VMP1: variants seen among roughly 807,000 people sequenced by gnomAD.
VMP1 encodes the protein vacuole membrane protein 1, also known as ectopic P-granules autophagy protein 3 homolog.
VMP1 carries 11 observed loss-of-function variants against 56.0 expected under a neutral mutation model. The ratio of observed to expected loss-of-function variants is 0.20; its 90% confidence interval spans 0.12 to 0.32. The LOEUF (loss-of-function observed/expected upper bound fraction) is 0.32, where lower values mean the gene tolerates loss of function less well. Ranked by LOEUF, VMP1 falls within the 10% of genes least tolerant of loss-of-function variation. The pLI, the probability that VMP1 is intolerant of heterozygous loss-of-function variation, is 1.00. For missense variants in VMP1, 296 were observed against 490.3 expected (o/e 0.60, Z 3.74); for synonymous variants, 149 against 165.0 (o/e 0.90, Z 0.74).
At chr17:59,807,492 C>T (rs2037885259) in intron 7 of VMP1, among the ~76,000 whole-genome samples, 1 of 151,840 alleles carries the variant, frequency 6.6e-6, no homozygotes, top group Non-Finnish European at 1.5e-5. Flanking sequence ...CCACCGCGCC[C>T]GGCCGGATCT....
intron 5 of VMP1, among the ~76,000 whole-genome samples, chr17:59,759,282 G>A (rs977634817): frequency 6.6e-6 from 1 of 152,128 alleles, no homozygotes; most frequent in Non-Finnish European, 1.5e-5. Context: ...GCTGAGGCAG[G>A]AGAATTGCTT....
chr17:59,808,914 G>T, intron 8 of VMP1, 38 bp downstream of exon 8: 2 of 1,557,220 alleles, frequency 1.3e-6, no homozygotes, highest in South Asian at 2.2e-5. Context: ...TTTACTAAGT[G>T]GTAGTGTTAT....
chr17:59,806,872 A>G (rs951271630), intron 7 of VMP1, among the ~76,000 whole-genome samples: 2 of 152,086 alleles, frequency 1.3e-5, no homozygotes, highest in African/African-American at 4.8e-5. Flanking sequence ...TTGAGAGCCT[A>G]TGTATTTGGA....
chr17:59,787,424 A>T (rs898816376), intron 7 of VMP1, among the ~76,000 whole-genome samples: 5 of 152,232 alleles, frequency 3.3e-5, no homozygotes, highest in African/African-American at 1.2e-4. Flanking sequence ...ATGAATGGCC[A>T]GTGGGAAACT....
At chr17:59,797,695 G>A (rs1363428414) in intron 7 of VMP1, among the ~76,000 whole-genome samples, 1 of 152,218 alleles carries the variant, frequency 6.6e-6, no homozygotes, top group Non-Finnish European at 1.5e-5. Flanking sequence ...TGACCAATGT[G>A]GTGAAACCCT....
chr17:59,831,801 G>GTT (rs11424411), intron 10 of VMP1, among the ~76,000 whole-genome samples: 20,039 of 148,990 alleles, frequency 0.13, 1,519 homozygotes, highest in Middle Eastern at 0.18. Context: ...GCATTCCTGA[G>GTT]TTTTTTTTTT....
intron 10 of VMP1, among the ~76,000 whole-genome samples, chr17:59,820,258 G>A (rs995471467): frequency 3.4e-4 from 51 of 152,010 alleles, no homozygotes; most frequent in African/African-American, 1.2e-3. Flanking sequence ...CCCACCACTG[G>A]TCTTTGCTTG....
At chr17:59,805,893 G>A (rs1036648212) in intron 7 of VMP1, among the ~76,000 whole-genome samples, 1 of 151,772 alleles carries the variant, frequency 6.6e-6, no homozygotes, top group Non-Finnish European at 1.5e-5. Flanking sequence ...TTTTTTTGTT[G>A]TTTACTTTAC....
At chr17:59,720,417 T>G (rs1190743497) in intron 1 of VMP1, among the ~76,000 whole-genome samples, 1 of 152,186 alleles carries the variant, frequency 6.6e-6, no homozygotes, top group Non-Finnish European at 1.5e-5. Flanking sequence ...TAAACTAAGA[T>G]TGTTCTAAAT....
chr17:59,710,841 C>A (rs1016833866), intron 1 of VMP1, among the ~76,000 whole-genome samples: 1 of 152,012 alleles, frequency 6.6e-6, no homozygotes, highest in Admixed American at 6.6e-5. Context: ...GAGGCCGAGG[C>A]GGGAAGATCA....
intron 6 of VMP1, among the ~76,000 whole-genome samples, chr17:59,772,950 CTTTTTTTTTTTT>C (rs1179269248): frequency 1.6e-4 from 9 of 55,676 alleles, no homozygotes; most frequent in Non-Finnish European, 2.1e-4. Context: ...CTGGTGAATT[CTTTTTTTTTTTT>C]TTTTTTTTTT....
chr17:59,826,196 A>G (rs139970866), intron 10 of VMP1, among the ~76,000 whole-genome samples: 300 of 152,264 alleles, frequency 2.0e-3, no homozygotes, highest in African/African-American at 7.0e-3. Flanking sequence ...GGTAGTTTAT[A>G]TATCCTTCTC....
intron 7 of VMP1, among the ~76,000 whole-genome samples, chr17:59,791,491 CTTTTT>C (rs1208305582): frequency 2.4e-5 from 3 of 127,112 alleles, no homozygotes; most frequent in African/African-American, 6.0e-5. Flanking sequence ...GTGCCCGGCT[CTTTTT>C]TTTTTTTTTT....
At chr17:59,836,587 T>C (rs777658132) in intron 10 of VMP1, among the ~76,000 whole-genome samples, 6 of 152,314 alleles carry the variant, frequency 3.9e-5, no homozygotes, top group Middle Eastern at 6.8e-3. Flanking sequence ...CCAAAAACTT[T>C]AATATTGAAT....
At chr17:59,783,542 T>C (rs1002115951) in intron 7 of VMP1, among the ~76,000 whole-genome samples, 2 of 152,314 alleles carry the variant, frequency 1.3e-5, no homozygotes, top group African/African-American at 4.8e-5. Context: ...TTTATGTGCT[T>C]TGTGGACTGT....
intron 10 of VMP1, among the ~76,000 whole-genome samples, chr17:59,822,893 A>G (rs1033540769): frequency 1.3e-5 from 2 of 152,142 alleles, no homozygotes; most frequent in Admixed American, 1.3e-4. Context: ...GCCTGGAAAC[A>G]TAGTAAGACT....
intron 7 of VMP1, among the ~76,000 whole-genome samples, chr17:59,797,812 G>A (rs1357659668): frequency 2.9e-4 from 44 of 152,224 alleles, no homozygotes; most frequent in Admixed American, 2.9e-3. Context: ...CCGGGAGTAG[G>A]AGGTTGCAGT....
At chr17:59,750,618 T>A (rs1006671076) in intron 5 of VMP1, among the ~76,000 whole-genome samples, 2 of 152,172 alleles carry the variant, frequency 1.3e-5, no homozygotes, top group Non-Finnish European at 2.9e-5. Flanking sequence ...GAGTGATTTT[T>A]AAAATAATTT....
At chr17:59,772,804 A>T (rs1233417653) in intron 6 of VMP1, among the ~76,000 whole-genome samples, 17 of 151,890 alleles carry the variant, frequency 1.1e-4, no homozygotes, top group Admixed American at 1.1e-3. Flanking sequence ...ATTCATCCTA[A>T]TGTTTAGTTT....
Sources: gnomAD v4.1 joint callset for allele counts (sites outside exome capture counted in the v4.1 genomes callset) on GRCh38, gnomAD v4.1.1 for gene constraint, MANE v1.5 for transcripts, NCBI Gene and HGNC (gene_info 2026-07-23, HGNC 2026-07-21) for gene names.